The following SORCS1 variants were observed in gnomAD, a reference collection of about 807,000 sequenced individuals.
SORCS1 encodes VPS10 domain-containing receptor SorCS1.
In SORCS1, 60 loss-of-function variants were observed where a neutral mutation model predicts 146.1. The observed-to-expected ratio is 0.41, with a 90% CI of 0.33 to 0.51. SORCS1 has a LOEUF of 0.51. Among genes scored for constraint, SORCS1 ranks in the 20% least tolerant of loss-of-function variants. The pLI is 0.21. For synonymous variants in SORCS1, 637 were observed against 584.0 expected (o/e 1.09, Z -1.31); for missense variants, 1,352 against 1,487.6 (o/e 0.91, Z 1.50).
chr10:107,017,685 T>C (rs1418780234), intron 1 of SORCS1, among the ~76,000 whole-genome samples: 3 of 152,250 alleles, frequency 2.0e-5, no homozygotes, highest in Non-Finnish European at 4.4e-5. Flanking sequence ...AGACAGCGTC[T>C]CACTCTGTCA....
intron 2 of SORCS1, among the ~76,000 whole-genome samples, chr10:106,913,103 T>C (rs1952244534): frequency 6.6e-6 from 1 of 151,868 alleles, no homozygotes; most frequent in East Asian, 1.9e-4. Context: ...AGGCTTACAT[T>C]GCTAAAGTGT....
intron 1 of SORCS1, among the ~76,000 whole-genome samples, chr10:107,044,497 T>A (rs10884407): frequency 0.53 from 72,456 of 137,830 alleles, 20,363 homozygotes; most frequent in African/African-American, 0.68. Flanking sequence ...TTAAAAAATG[T>A]TTCATTCTAA....
intron 1 of SORCS1, among the ~76,000 whole-genome samples, chr10:106,976,843 T>C (rs1042909161): frequency 6.6e-6 from 1 of 152,202 alleles, no homozygotes; most frequent in African/African-American, 2.4e-5. Flanking sequence ...TCCAGCTTTA[T>C]CTGTGTCCCT....
rs975402196 is a variant in SORCS1, at chr10:106,671,469, T to C, written c.2059-102A>G. 5.3e-6 allele frequency: 8 copies of C among 1,512,238 alleles called. No homozygotes were observed. In the Admixed American group the frequency reaches 5.6e-5, roughly 10 times the overall value. 93.7% of individuals were successfully genotyped at this position (1,512,238 alleles called of 1,614,324 possible). On this transcript the variant is annotated intron_variant, in intron 15 of 25. Coordinates refer to ENST00000263054, the MANE Select transcript of SORCS1 (RefSeq NM_052918.5). ...GAGACATTTGCACATCTTAGTGTAA[T>C]GTAAACTTTGGTAGCCCTCTTTGTG...
the SORCS1 span, among the ~76,000 whole-genome samples, chr10:107,172,407 T>C: frequency 1.3e-5 from 2 of 152,244 alleles, no homozygotes; most frequent in Admixed American, 1.3e-4. Context: ...GTTCTCATTA[T>C]GGAGATCATC....
At chr10:106,820,587 T>C (rs1438802538) in intron 3 of SORCS1, among the ~76,000 whole-genome samples, 1 of 152,192 alleles carries the variant, frequency 6.6e-6, no homozygotes, top group Non-Finnish European at 1.5e-5. Flanking sequence ...TTATTAAAGA[T>C]TCATCCACAT....
At chr10:106,749,292 C>T (rs1414090530) in intron 5 of SORCS1, among the ~76,000 whole-genome samples, 1 of 152,180 alleles carries the variant, frequency 6.6e-6, no homozygotes, top group Non-Finnish European at 1.5e-5. Flanking sequence ...CTAGTTTGTC[C>T]TTGTTCTTCT....
At chr10:106,666,328 C>T (rs1436679541) in intron 17 of SORCS1, among the ~76,000 whole-genome samples, 1 of 152,190 alleles carries the variant, frequency 6.6e-6, no homozygotes, top group African/African-American at 2.4e-5. Flanking sequence ...GGCCTCTTTT[C>T]CTGCCTTCGG....
chr10:106,770,141 C>CT (rs1193674049), intron 4 of SORCS1, among the ~76,000 whole-genome samples: 1 of 152,140 alleles, frequency 6.6e-6, no homozygotes, highest in Non-Finnish European at 1.5e-5. Flanking sequence ...CAGAACCTCC[C>CT]TATCAAAGCC....
intron 9 of SORCS1, among the ~76,000 whole-genome samples, chr10:106,691,501 G>A (rs1343294765): frequency 2.0e-5 from 3 of 152,182 alleles, no homozygotes; most frequent in African/African-American, 4.8e-5. Context: ...TATAAGTCAA[G>A]ATATCATTTT....
At chr10:107,040,803 G>C (rs181065055) in intron 1 of SORCS1, among the ~76,000 whole-genome samples, 2 of 152,240 alleles carry the variant, frequency 1.3e-5, no homozygotes, top group Admixed American at 1.3e-4. Context: ...AAAAACTAAT[G>C]AGACTGGTGA....
intron 17 of SORCS1, among the ~76,000 whole-genome samples, chr10:106,657,332 A>T (rs971673012): frequency 1.3e-5 from 2 of 152,202 alleles, no homozygotes; most frequent in Non-Finnish European, 2.9e-5. Context: ...GGAGGCCATT[A>T]TTCTATATGA....
chr10:106,647,389 TACACACACAC>T (rs3044913), intron 18 of SORCS1, among the ~76,000 whole-genome samples: 1 of 147,306 alleles, frequency 6.8e-6, no homozygotes, highest in South Asian at 2.2e-4. Flanking sequence ...TTATAAATTT[TACACACACAC>T]ACACACACAC....
intron 1 of SORCS1, among the ~76,000 whole-genome samples, chr10:107,002,067 C>G (rs1957245614): frequency 6.6e-6 from 1 of 152,066 alleles, no homozygotes; most frequent in Non-Finnish European, 1.5e-5. Flanking sequence ...AGCAAATGAA[C>G]ACAGCGAAGA....
chr10:107,082,292 A>G (rs1025213961), intron 1 of SORCS1, among the ~76,000 whole-genome samples: 8 of 152,058 alleles, frequency 5.3e-5, no homozygotes, highest in Admixed American at 2.0e-4. Flanking sequence ...CCTACTCTTT[A>G]AGAGGAGATT....
chr10:106,646,524 C>T lies in SORCS1; in HGVS notation c.2475+5858G>A, dbSNP rs560397348. Among the ~76,000 whole-genome samples the T allele has an allele frequency of 7.3e-5, 11 of 150,278 alleles. No homozygotes were observed. The South Asian group carries it at 1.9e-3, about 26-fold the overall frequency. On this transcript the variant is annotated intron_variant, in intron 18 of 25. Transcript: ENST00000263054. ...GAGCCTGACCAACATGGTGAGACCC[C>T]GTCTCTACTAAAAATACAAAAATTA...
At chr10:107,163,793 G>A (rs905655878) in intron 1 of SORCS1, among the ~76,000 whole-genome samples, 176 bp downstream of exon 1, 11 of 152,186 alleles carry the variant, frequency 7.2e-5, no homozygotes, top group Non-Finnish European at 1.3e-4. Flanking sequence ...GGAGAGATGG[G>A]GAGGTTGGTC....
intron 3 of SORCS1, among the ~76,000 whole-genome samples, chr10:106,779,365 A>T (rs886224793): frequency 2.0e-5 from 3 of 152,182 alleles, no homozygotes; most frequent in African/African-American, 4.8e-5. Context: ...CTTATTGCAG[A>T]AACAACTCCA....
chr10:106,830,412 A>G (rs1329484684), intron 2 of SORCS1, among the ~76,000 whole-genome samples: 1 of 152,216 alleles, frequency 6.6e-6, no homozygotes, highest in African/African-American at 2.4e-5. Flanking sequence ...ACAACTATGT[A>G]CAATAGGGAT....
Sources: allele counts gnomAD v4.1 joint callset (sites outside exome capture counted in the v4.1 genomes callset), GRCh38; gene constraint gnomAD v4.1.1; transcripts MANE v1.5; gene names NCBI Gene and HGNC (gene_info 2026-07-23, HGNC 2026-07-21).